Variants in MAP2 observed in about 807,000 individuals in gnomAD.
MAP2 encodes the protein microtubule-associated protein 2.
MAP2 carries 14 observed loss-of-function variants against 137.6 expected under a neutral mutation model. That is an observed-to-expected ratio of 0.10 (90% CI 0.07 to 0.16). MAP2 has a LOEUF of 0.16. Ranked by LOEUF, MAP2 falls within the 10% of genes least tolerant of loss-of-function variation. The probability of loss-of-function intolerance (pLI) is 1.00; values close to 1 mark genes in which losing one functional copy is unlikely to be tolerated. For missense variants in MAP2, 2,088 were observed against 2,191.5 expected, an observed-to-expected ratio of 0.95 and a Z score of 0.94; for synonymous variants, 786 against 782.3, an observed-to-expected ratio of 1.00 and a Z score of -0.08.
At chr2:209,436,904 A>G (rs1479485119) in intron 1 of MAP2, among the ~76,000 whole-genome samples, 1 of 151,624 alleles carries the variant, frequency 6.6e-6, no homozygotes, top group Non-Finnish European at 1.5e-5. Context: ...TCCTAATTTT[A>G]TTGAATCTTT....
intron 3 of MAP2, among the ~76,000 whole-genome samples, chr2:209,615,391 G>A (rs1240283499): frequency 1.3e-5 from 2 of 152,132 alleles, no homozygotes; most frequent in Admixed American, 1.3e-4. Context: ...CAAAACTCAA[G>A]AGAAGAGTTG....
intron 4 of MAP2, among the ~76,000 whole-genome samples, chr2:209,635,569 T>C (rs1269677741): frequency 6.6e-6 from 1 of 152,192 alleles, no homozygotes; most frequent in African/African-American, 2.4e-5. Flanking sequence ...CATTACTATT[T>C]ACGTGGAGGG....
chr2:209,526,026 A>G (rs770481949), intron 2 of MAP2, among the ~76,000 whole-genome samples: 1 of 152,056 alleles, frequency 6.6e-6, no homozygotes, highest in African/African-American at 2.4e-5. Flanking sequence ...CATTTTGTCA[A>G]AATGGAATTC....
intron 12 of MAP2, among the ~76,000 whole-genome samples, chr2:209,705,939 C>G (rs1264312714): frequency 1.3e-5 from 2 of 151,870 alleles, no homozygotes; most frequent in African/African-American, 4.8e-5. Flanking sequence ...AACATATTAC[C>G]CTATTATCTA....
At chr2:209,449,328 A>C (rs570139408) in intron 1 of MAP2, among the ~76,000 whole-genome samples, 1 of 152,206 alleles carries the variant, frequency 6.6e-6, no homozygotes, top group African/African-American at 2.4e-5. Flanking sequence ...GGAAAGAACA[A>C]ACTGTCACGC....
intron 4 of MAP2, among the ~76,000 whole-genome samples, chr2:209,631,065 G>A (rs1293327970): frequency 8.9e-6 from 1 of 112,006 alleles, no homozygotes; most frequent in African/African-American, 3.2e-5. Flanking sequence ...TAGATGGAAA[G>A]CAAAATGACT....
Position 209,723,750 on chromosome 2 carries a change from C to A in MAP2, c.5074-1959C>A. The stretch of plus-strand genomic sequence containing the variant: ...CGTGGAGCCACCTGCACAGCCAGCA[C>A]CCTGCCTTCTTTCCCACCTCTTTCC... On this transcript the variant is annotated intron_variant, in intron 13 of 15. Transcript: ENST00000682079. 6 of 1,103,770 alleles carry A rather than the reference C, an allele frequency of 5.4e-6. No homozygotes were observed. The South Asian group carries it at 6.3e-5, about 12-fold the overall frequency. The allele number at this position is 1,103,770 out of a possible 1,614,324, so 68.4% of individuals were successfully genotyped here.
At chr2:209,497,281 A>G (rs1373649510) in intron 1 of MAP2, among the ~76,000 whole-genome samples, 1 of 152,112 alleles carries the variant, frequency 6.6e-6, no homozygotes, top group Non-Finnish European at 1.5e-5. Flanking sequence ...AGGAAAAGAG[A>G]GTTCTCTAAA....
rs59133937 is a variant in MAP2 at position 209,490,605 on chromosome 2, C to CAAAAAAAAAAAAAAA, written c.-221-16971_-221-16957dup. On this transcript the variant is annotated intron_variant, in intron 1 of 15. Coordinates refer to ENST00000682079, the MANE Select transcript of MAP2 (RefSeq NM_001375505.1). ...GAAGATTTACCAAGCAAATGGAAAG[C>CAAAAAAAAAAAAAAA]AAAAAAAAAAAAAAAAAAAAAAAAA... Among the ~76,000 whole-genome samples, 6 of 5,564 alleles carry CAAAAAAAAAAAAAAA rather than the reference C, an allele frequency of 1.1e-3. 2 individuals are homozygous for CAAAAAAAAAAAAAAA. Among genetic ancestry groups the CAAAAAAAAAAAAAAA allele is most frequent in the Non-Finnish European group, 1.1e-3 (4 of 3,550 alleles). 3.7% of individuals were successfully genotyped at this position (5,564 alleles called of 152,430 possible).
chr2:209,537,608 A>G (rs1157897547), intron 2 of MAP2, among the ~76,000 whole-genome samples: 1 of 152,188 alleles, frequency 6.6e-6, no homozygotes, highest in Non-Finnish European at 1.5e-5. Flanking sequence ...ACATGATTGT[A>G]TTACAGCCTT....
Position 209,570,345 on chromosome 2 carries a change from C to T in MAP2, c.-171-9691C>T, listed in dbSNP as rs1046457135. Among the ~76,000 whole-genome samples the T allele has an allele frequency of 3.3e-5, 5 of 151,734 alleles. No homozygotes were observed. The South Asian group carries it at 1.0e-3, about 31-fold the overall frequency. On this transcript the variant is annotated intron_variant, in intron 2 of 15. Transcript: ENST00000682079. Reference sequence around the variant, plus strand: ...TTACAAACTAATTAGCTGAGAAGTCCAGGGATTGAATTTCTGCTCTACCAC... The same window carrying T: ...TTACAAACTAATTAGCTGAGAAGTCTAGGGATTGAATTTCTGCTCTACCAC...
chr2:209,723,274 G>C (rs1438562238), intron 13 of MAP2, among the ~76,000 whole-genome samples: 2 of 152,186 alleles, frequency 1.3e-5, no homozygotes, highest in Non-Finnish European at 2.9e-5. Flanking sequence ...CTGAGTCCCA[G>C]TGTTGCTGAC....
intron 3 of MAP2, among the ~76,000 whole-genome samples, chr2:209,584,289 A>G (rs2077183124): frequency 1.3e-5 from 2 of 152,066 alleles, no homozygotes; most frequent in Admixed American, 6.6e-5. Flanking sequence ...CAAGGGGGAG[A>G]CAACGTATGG....
chr2:209,713,388 C>T (rs1416563716), intron 13 of MAP2, among the ~76,000 whole-genome samples: 1 of 152,122 alleles, frequency 6.6e-6, no homozygotes, highest in Non-Finnish European at 1.5e-5. Context: ...CAGAGGGGCT[C>T]AGCTCAGTGA....
intron 1 of MAP2, among the ~76,000 whole-genome samples, chr2:209,468,409 T>C (rs1274435426): frequency 7.3e-6 from 1 of 137,102 alleles, no homozygotes; most frequent in Non-Finnish European, 1.5e-5. Context: ...AAGCTCTGCC[T>C]CCCAGGTTCA....
chr2:209,540,630 C>CAAACAAAA (rs2066813005), intron 2 of MAP2, among the ~76,000 whole-genome samples: 2 of 27,592 alleles, frequency 7.2e-5, no homozygotes, highest in Non-Finnish European at 1.3e-4. Flanking sequence ...GACTCCGTCT[C>CAAACAAAA]AAAAAAAAAA....
chr2:209,701,518 A>G (rs2061754468), intron 11 of MAP2, among the ~76,000 whole-genome samples: 1 of 152,052 alleles, frequency 6.6e-6, no homozygotes, highest in Admixed American at 6.6e-5. Flanking sequence ...AGCTTATAAC[A>G]ACATTCTGAG....
chr2:209,568,718 C>G (rs904232605), intron 2 of MAP2, among the ~76,000 whole-genome samples: 3 of 151,802 alleles, frequency 2.0e-5, no homozygotes, highest in Admixed American at 6.6e-5. Flanking sequence ...TTCAGTCTTT[C>G]ATGAAATTGT....
intron 10 of MAP2, among the ~76,000 whole-genome samples, chr2:209,699,254 C>A (rs890938172): frequency 6.6e-6 from 1 of 152,082 alleles, no homozygotes; most frequent in Non-Finnish European, 1.5e-5. Flanking sequence ...TGGCATAAAG[C>A]ATATTGTAGA....
Sources: allele counts gnomAD v4.1 joint callset (sites outside exome capture counted in the v4.1 genomes callset), GRCh38; gene constraint gnomAD v4.1.1; transcripts MANE v1.5; gene names NCBI Gene and HGNC (gene_info 2026-07-23, HGNC 2026-07-21).